The following PLD5 variants were observed in gnomAD, a reference collection of about 807,000 sequenced individuals.
PLD5 encodes inactive phospholipase D5.
In PLD5, 36 loss-of-function variants were observed where a neutral mutation model predicts 61.1. The ratio of observed to expected loss-of-function variants is 0.59; its 90% CI spans 0.45 to 0.78. The LOEUF is 0.78. Among genes scored for constraint, PLD5 ranks in the 30% least tolerant of loss-of-function variants. The pLI is 0.00. For missense variants in PLD5, 515 were observed against 644.4 expected (o/e 0.80, Z 2.17); for synonymous variants, 243 against 242.8 (o/e 1.00, Z -0.01).
intron 1 of PLD5, among the ~76,000 whole-genome samples, chr1:242,354,820 T>A: frequency 6.6e-6 from 1 of 151,886 alleles, no homozygotes; most frequent in Non-Finnish European, 1.5e-5. Context: ...TTGAGTGTTT[T>A]TTTTTTTACC....
intron 1 of PLD5, among the ~76,000 whole-genome samples, chr1:242,494,753 C>T (rs1021117813): frequency 5.9e-5 from 9 of 152,148 alleles, no homozygotes; most frequent in Non-Finnish European, 1.0e-4. Context: ...ATCACCAATC[C>T]TTTCTTTATG....
chr1:242,111,996 C>A (rs1661543696), intron 7 of PLD5, among the ~76,000 whole-genome samples: 1 of 152,062 alleles, frequency 6.6e-6, no homozygotes, highest in Non-Finnish European at 1.5e-5. Context: ...CAGGAAGAAT[C>A]TCAATTTTGT....
At chr1:242,296,839 C>A (rs1310942083) in intron 2 of PLD5, among the ~76,000 whole-genome samples, 1 of 152,144 alleles carries the variant, frequency 6.6e-6, no homozygotes, top group Non-Finnish European at 1.5e-5. Context: ...TGCCTTACAG[C>A]CTCCTGAGTA....
In PLD5 at chr1:242,089,148, C is replaced by T. The variant is rs1041012465; in HGVS notation, c.*706G>A. The T allele has an allele frequency of 2.5e-6, 1 of 392,818 alleles. No individual in the cohort carries two copies. The highest frequency in any genetic ancestry group is 2.1e-5 in the African/African-American group (1 of 48,466). 24.3% of individuals were successfully genotyped at this position (392,818 alleles called of 1,614,324 possible). On this transcript the variant is annotated 3_prime_UTR_variant, in exon 10 of 10. Transcript: ENST00000536534. Reference sequence around the variant, plus strand: ...GTTGAAAGGTGAAAATGAAAGACTGCTATTTCCACTTAGTATCCATTCTGA... The same window carrying T: ...GTTGAAAGGTGAAAATGAAAGACTGTTATTTCCACTTAGTATCCATTCTGA...
chr1:242,427,297 CA>C (rs1208374309), intron 1 of PLD5, among the ~76,000 whole-genome samples: 1 of 152,092 alleles, frequency 6.6e-6, no homozygotes, highest in African/African-American at 2.4e-5. Context: ...CAGAAGATAT[CA>C]ACAGTAATAT....
intron 3 of PLD5, among the ~76,000 whole-genome samples, chr1:242,281,429 C>T (rs1420320200): frequency 1.3e-5 from 2 of 152,126 alleles, no homozygotes; most frequent in South Asian, 2.1e-4. Context: ...TAGAACAAAA[C>T]GTCAATCAAC....
chr1:242,269,146 CTCA>C (rs1673896761), intron 3 of PLD5, among the ~76,000 whole-genome samples: 3 of 152,130 alleles, frequency 2.0e-5, no homozygotes, highest in Admixed American at 1.3e-4. Context: ...CCCGACCTCA[CTCA>C]TCATTTTTTT....
Position 242,089,977 on chromosome 1 carries a change from T to C in PLD5, c.1488A>G (p.Ser496=), listed in dbSNP as rs1247531486. 9 of 1,614,062 alleles carry C rather than the reference T, an allele frequency of 5.6e-6. No individual in the cohort carries two copies. In the African/African-American group the frequency reaches 1.2e-4, roughly 22 times the overall value. ...LKDVFERDWY[S]PYAKTLQPTK... ...TTGGCTGTAAGGTTTTGGCATACGG[T>C]GAATACCAGTCCCTTTCAAACACAT... The change falls in exon 10 of 10, where the codon TCA becomes TCG. Residue 496 remains serine (S), a synonymous_variant. Transcript: ENST00000536534.
intron 1 of PLD5, among the ~76,000 whole-genome samples, chr1:242,506,153 A>G (rs1263969894): frequency 6.6e-6 from 1 of 152,216 alleles, no homozygotes; most frequent in East Asian, 1.9e-4. Context: ...CGAGAGGTTC[A>G]ACGCTTCCTT....
intron 8 of PLD5, among the ~76,000 whole-genome samples, chr1:242,102,076 G>T (rs1344761607): frequency 6.6e-6 from 1 of 152,154 alleles, no homozygotes; most frequent in Non-Finnish European, 1.5e-5. Flanking sequence ...ACCTGTGAAT[G>T]TTCTTAAGTC....
At chr1:242,394,734 GTGTATATATGTGAACATATA>G (rs1663318547) in intron 1 of PLD5, among the ~76,000 whole-genome samples, 1 of 70,578 alleles carries the variant, frequency 1.4e-5, no homozygotes, top group East Asian at 3.6e-4. Context: ...GAACATATAT[GTGTATATATGTGAACATATA>G]TGTGTATATA....
At chr1:242,500,229 A>G (rs1385529006) in intron 1 of PLD5, among the ~76,000 whole-genome samples, 1 of 152,222 alleles carries the variant, frequency 6.6e-6, no homozygotes, top group African/African-American at 2.4e-5. Flanking sequence ...CTGTGCTAAA[A>G]AAACAAACTC....
At chr1:242,107,640 T>C (rs200677817) in intron 8 of PLD5, 31 bp downstream of exon 8, 306 of 1,535,584 alleles carry the variant, frequency 2.0e-4, no homozygotes, top group Non-Finnish European at 2.7e-4. Flanking sequence ...ATTCACTTTT[T>C]ATTTAATAAC....
intron 1 of PLD5, among the ~76,000 whole-genome samples, chr1:242,523,874 G>A (rs915535438): frequency 3.4e-4 from 52 of 152,316 alleles, no homozygotes; most frequent in African/African-American, 1.2e-3. Flanking sequence ...GGGACCAAGA[G>A]CCTGAAAGGG....
In PLD5 at chr1:242,487,974, A is replaced by C. The variant is rs1003830072; in HGVS notation, c.189+36114T>G. Among the ~76,000 whole-genome samples, 5 of 152,114 alleles carry C rather than the reference A, an allele frequency of 3.3e-5. 1 individual carries two copies. Among genetic ancestry groups the C allele is most frequent in the African/African-American group, 1.2e-4 (5 of 41,426 alleles). On this transcript the variant is annotated intron_variant, in intron 1 of 9. Transcript: ENST00000536534. ...CATGACCTTGCTAAATTTACTTAAT[A>C]GTAGCTGTTTTTTAAAACATGTATG...
At chr1:242,465,044 G>C (rs369030390) in intron 1 of PLD5, among the ~76,000 whole-genome samples, 24 of 152,268 alleles carry the variant, frequency 1.6e-4, no homozygotes, top group East Asian at 5.8e-4. Flanking sequence ...TTTCCTTATG[G>C]GGTGACAAAA....
intron 5 of PLD5, among the ~76,000 whole-genome samples, chr1:242,151,375 G>A (rs1481711013): frequency 1.3e-5 from 2 of 151,610 alleles, no homozygotes; most frequent in East Asian, 1.9e-4. Context: ...GAAAATTTTT[G>A]TTTTCTCCCT....
At chr1:242,444,604 G>T (rs945117090) in intron 1 of PLD5, among the ~76,000 whole-genome samples, 3 of 14,282 alleles carry the variant, frequency 2.1e-4, no homozygotes, top group Admixed American at 7.3e-4. Flanking sequence ...ATAATCAAAA[G>T]CCTACTTTAT....
intron 1 of PLD5, among the ~76,000 whole-genome samples, chr1:242,366,941 G>A (rs1293912654): frequency 6.6e-6 from 1 of 151,806 alleles, no homozygotes; most frequent in East Asian, 1.9e-4. Context: ...TCCCATAACA[G>A]AAACATATTG....
Sources: allele counts gnomAD v4.1 joint callset (sites outside exome capture counted in the v4.1 genomes callset), GRCh38; gene constraint gnomAD v4.1.1; transcripts MANE v1.5; gene names NCBI Gene and HGNC (gene_info 2026-07-23, HGNC 2026-07-21).